ANO10: variants seen among roughly 807,000 people sequenced by gnomAD.
The protein encoded by ANO10 is anoctamin 10.
In ANO10, 77 loss-of-function variants were observed where a neutral mutation model predicts 74.7. The ratio of observed to expected loss-of-function variants is 1.03; its 90% CI spans 0.86 to 1.25. The LOEUF (loss-of-function observed/expected upper bound fraction) is 1.25, where lower values mean the gene tolerates loss of function less well. ANO10 is among the 50% of genes most tolerant of loss of function. The pLI is 0.00. For synonymous variants in ANO10, 279 were observed against 284.9 expected (o/e 0.98, Z 0.21); for missense variants, 721 against 778.1 (o/e 0.93, Z 0.87).
chr3:43,418,190 TCG>T lies in ANO10; in HGVS notation c.1914+14419_1914+14420del, dbSNP rs1246281219. ...TACTCAGGAGGCTGAGGCAGGGGAA[TCG>T]TCTGAAACTGGGAGGCAGAAGTTGC... On this transcript the variant is annotated intron_variant, in intron 12 of 12. Transcript: ENST00000292246. Among the ~76,000 whole-genome samples the T allele has an allele frequency of 2.6e-5, 4 of 152,354 alleles. No homozygotes were observed. In the East Asian group the frequency reaches 7.7e-4, roughly 29 times the overall value.
intron 1 of ANO10, among the ~76,000 whole-genome samples, chr3:43,669,122 T>C (rs2084025595): frequency 6.6e-6 from 1 of 152,032 alleles, no homozygotes; most frequent in Non-Finnish European, 1.5e-5. Flanking sequence ...CTCCCTTAGG[T>C]GGGACTGGAA....
At chr3:43,548,806 A>C (rs986078038) in intron 11 of ANO10, among the ~76,000 whole-genome samples, 1 of 152,220 alleles carries the variant, frequency 6.6e-6, no homozygotes, top group Non-Finnish European at 1.5e-5. Flanking sequence ...TTCCATTTAC[A>C]TTTGGTTAGT....
intron 1 of ANO10, among the ~76,000 whole-genome samples, chr3:43,628,730 G>A (rs1050978013): frequency 2.4e-4 from 36 of 152,086 alleles, no homozygotes; most frequent in East Asian, 1.9e-4. Flanking sequence ...GGGTGTGGCC[G>A]TCTTCTATGG....
At chr3:43,688,155 C>CT (rs112966065) in intron 1 of ANO10, among the ~76,000 whole-genome samples, 3 of 152,242 alleles carry the variant, frequency 2.0e-5, no homozygotes, top group Admixed American at 6.5e-5. Flanking sequence ...CTCTTTCTCT[C>CT]TTTTTTTCTT....
At chr3:43,520,367 CA>C (rs1356407602) in intron 11 of ANO10, among the ~76,000 whole-genome samples, 1 of 152,148 alleles carries the variant, frequency 6.6e-6, no homozygotes, top group African/African-American at 2.4e-5. Context: ...AAGGTGCTGG[CA>C]AATTTGGTGT....
chr3:43,529,628 C>T (rs558257735), intron 11 of ANO10, among the ~76,000 whole-genome samples: 147 of 152,052 alleles, frequency 9.7e-4, no homozygotes, highest in Middle Eastern at 3.4e-3. Flanking sequence ...AACATTCTGA[C>T]AAAGTAGAAA....
chr3:43,535,478 G>A (rs1292450432), intron 11 of ANO10, among the ~76,000 whole-genome samples: 3 of 151,736 alleles, frequency 2.0e-5, no homozygotes, highest in Non-Finnish European at 4.4e-5. Flanking sequence ...ATTTCAACAT[G>A]TTGGCCAGAA....
At chr3:43,522,728 A>T (rs2078013649) in intron 11 of ANO10, among the ~76,000 whole-genome samples, 1 of 152,174 alleles carries the variant, frequency 6.6e-6, no homozygotes, top group Non-Finnish European at 1.5e-5. Context: ...AAAAGGTCTA[A>T]AGAACCAGGC....
chr3:43,556,680 C>G (rs771486062), intron 9 of ANO10, among the ~76,000 whole-genome samples: 2 of 152,184 alleles, frequency 1.3e-5, no homozygotes, highest in African/African-American at 4.8e-5. Context: ...ACCCTATTCT[C>G]TCTTTTTGTT....
At position 43,577,137 on chromosome 3, in the gene ANO10, G is replaced by A. The variant is rs2149403417; in HGVS notation, c.717C>T (p.Asp239=). The change falls in exon 6 of 13, where the codon GAC becomes GAT. Residue 239 remains aspartate, a synonymous_variant. Coordinates refer to ENST00000292246, the MANE Select transcript of ANO10 (RefSeq NM_018075.5). ...GLPYYLFVWE[D]YDKYVIFASF... ...AGGCAAAGATCACGTACTTGTCATAGTCTTCCCACACAAACAAGTAGTAAG... is the reference window on the plus strand; with the variant it reads ...AGGCAAAGATCACGTACTTGTCATAATCTTCCCACACAAACAAGTAGTAAG... 2 of 1,614,182 alleles carry A rather than the reference G, an allele frequency of 1.2e-6. No homozygotes were observed. Among genetic ancestry groups the A allele is most frequent in the South Asian group, 1.1e-5 (1 of 91,090 alleles).
In ANO10 at chr3:43,654,217, C is replaced by A. The variant is rs2149569976; in HGVS notation, c.-12+37300G>T. 1.3e-5 allele frequency among the ~76,000 whole-genome samples: 2 copies of A among 152,190 alleles called. 1 individual carries two copies. Among genetic ancestry groups the A allele is most frequent in the South Asian group, 4.2e-4 (2 of 4,816 alleles). Reference sequence around the variant, plus strand: ...CAGGTTACATGGAGGGTTACTCTGTCCCTGCATGCTTCACAAAAAGAAGAA... The same window carrying A: ...CAGGTTACATGGAGGGTTACTCTGTACCTGCATGCTTCACAAAAAGAAGAA... On this transcript the variant is annotated intron_variant, in intron 1 of 3. Coordinates refer to the ANO10 transcript ENST00000413397.
At chr3:43,642,988 T>C (rs2083686010) in intron 1 of ANO10, among the ~76,000 whole-genome samples, 1 of 152,176 alleles carries the variant, frequency 6.6e-6, no homozygotes, top group Admixed American at 6.6e-5. Flanking sequence ...CATAACCTTG[T>C]GCAAATGTTA....
intron 11 of ANO10, among the ~76,000 whole-genome samples, chr3:43,440,390 G>C (rs187925694): frequency 1.8e-4 from 27 of 152,134 alleles, no homozygotes; most frequent in African/African-American, 6.3e-4. Flanking sequence ...AACAAAAAGA[G>C]AGCCAGAATG....
intron 11 of ANO10, among the ~76,000 whole-genome samples, chr3:43,433,608 A>T (rs779402602): frequency 9.2e-5 from 14 of 152,222 alleles, no homozygotes; most frequent in Non-Finnish European, 2.1e-4. Context: ...TAATATGGAA[A>T]ACTTAAAACC....
upstream of ANO10, among the ~76,000 whole-genome samples, chr3:43,624,757 G>A (rs2083477255): frequency 6.6e-6 from 1 of 152,178 alleles, no homozygotes; most frequent in African/African-American, 2.4e-5. Flanking sequence ...GGACACACCA[G>A]ACAAAGAGAT....
chr3:43,642,617 C>T (rs901047008), intron 1 of ANO10, among the ~76,000 whole-genome samples: 2 of 152,060 alleles, frequency 1.3e-5, no homozygotes, highest in African/African-American at 2.4e-5. Flanking sequence ...AAAAAATACA[C>T]GAAAAGGTAA....
At chr3:43,581,335 A>G (rs1279761810) in intron 4 of ANO10, among the ~76,000 whole-genome samples, 1 of 152,244 alleles carries the variant, frequency 6.6e-6, no homozygotes, top group Admixed American at 6.5e-5. Flanking sequence ...TTTAGCAGTC[A>G]TTTGACTAGT....
chr3:43,380,804 C>T (rs1477484424), intron 12 of ANO10, among the ~76,000 whole-genome samples: 1 of 152,084 alleles, frequency 6.6e-6, no homozygotes, highest in African/African-American at 2.4e-5. Flanking sequence ...GGCATTCAGG[C>T]AACAAATAGC....
At chr3:43,438,255 G>C (rs559458773) in intron 11 of ANO10, among the ~76,000 whole-genome samples, 1 of 152,096 alleles carries the variant, frequency 6.6e-6, no homozygotes, top group East Asian at 1.9e-4. Flanking sequence ...AACATAGCAA[G>C]ACCTTATCTC....
Sources: allele counts gnomAD v4.1 joint callset (sites outside exome capture counted in the v4.1 genomes callset), GRCh38; gene constraint gnomAD v4.1.1; transcripts MANE v1.5; gene names NCBI Gene and HGNC (gene_info 2026-07-23, HGNC 2026-07-21).